MPPED2: variants seen among roughly 807,000 people sequenced by gnomAD.
MPPED2 encodes metallophosphoesterase domain containing 2, also known as metallophosphoesterase MPPED2.
In MPPED2, 5 loss-of-function variants were observed where a neutral mutation model predicts 33.0. The observed-to-expected ratio is 0.15, with a 90% CI of 0.08 to 0.32. MPPED2 has a LOEUF of 0.32. Ranked by LOEUF, MPPED2 falls within the 10% of genes least tolerant of loss-of-function variation. The probability of loss-of-function intolerance (pLI) is 1.00; values close to 1 mark genes in which losing one functional copy is unlikely to be tolerated. For missense variants in MPPED2, 275 were observed against 372.1 expected (o/e 0.74, Z 2.15); for synonymous variants, 136 against 141.9 (o/e 0.96, Z 0.29).
At chr11:30,453,329 G>C (rs1950144258) in intron 4 of MPPED2, among the ~76,000 whole-genome samples, 1 of 152,200 alleles carries the variant, frequency 6.6e-6, no homozygotes, top group African/African-American at 2.4e-5. Flanking sequence ...GTTGCCTCTA[G>C]ATCATCTATT....
At chr11:30,535,664 G>A (rs939884255) in intron 3 of MPPED2, among the ~76,000 whole-genome samples, 3 of 152,204 alleles carry the variant, frequency 2.0e-5, no homozygotes, top group South Asian at 2.1e-4. Flanking sequence ...AGATTGCAGA[G>A]CCAATGAATT....
intron 4 of MPPED2, among the ~76,000 whole-genome samples, chr11:30,472,066 T>C (rs1051777790): frequency 5.3e-5 from 8 of 152,170 alleles, no homozygotes; most frequent in Non-Finnish European, 7.3e-5. Context: ...AATATGTCTC[T>C]CAAATTAAGC....
chr11:30,495,279 T>A lies in MPPED2; in HGVS notation c.536+17A>T. The A allele has an allele frequency of 6.4e-7, 1 of 1,574,388 alleles. No homozygotes were observed. Among genetic ancestry groups the A allele is most frequent in the Non-Finnish European group, 8.7e-7 (1 of 1,143,966 alleles). On this transcript the variant is annotated intron_variant, in intron 4 of 6. Coordinates refer to ENST00000358117, the MANE Select transcript of MPPED2 (RefSeq NM_001584.3). ...AGCTAAAAAGCAATGTGGAAAACTG[T>A]TTGAATCATCACTTACCAAGGTGCA...
chr11:30,442,376 C>T (rs191709993), intron 4 of MPPED2, among the ~76,000 whole-genome samples: 1 of 152,182 alleles, frequency 6.6e-6, no homozygotes, highest in Non-Finnish European at 1.5e-5. Context: ...ATAGGGGAAG[C>T]TTTGCTGATT....
intron 4 of MPPED2, among the ~76,000 whole-genome samples, chr11:30,468,088 G>A (rs1950790283): frequency 6.6e-6 from 1 of 152,088 alleles, no homozygotes; most frequent in Admixed American, 6.5e-5. Context: ...CTAGAGTCAT[G>A]ATTCATTAGC....
intron 2 of MPPED2, among the ~76,000 whole-genome samples, chr11:30,538,172 A>G (rs189834233): frequency 3.9e-5 from 6 of 152,242 alleles, no homozygotes; most frequent in Admixed American, 3.3e-4. Flanking sequence ...ATCTCTAAAT[A>G]TATGAATAAA....
At chr11:30,454,482 A>T (rs1950195652) in intron 4 of MPPED2, among the ~76,000 whole-genome samples, 1 of 152,164 alleles carries the variant, frequency 6.6e-6, no homozygotes, top group African/African-American at 2.4e-5. Flanking sequence ...AGGAAAAAAA[A>T]TTATAAATTT....
At chr11:30,535,833 C>A (rs1173110830) in intron 3 of MPPED2, among the ~76,000 whole-genome samples, 161 bp downstream of exon 3, 1 of 152,114 alleles carries the variant, frequency 6.6e-6, no homozygotes, top group African/African-American at 2.4e-5. Context: ...TCTAAAAATT[C>A]ATCTTTAATT....
At chr11:30,534,275 G>A (rs1228581722) in intron 3 of MPPED2, among the ~76,000 whole-genome samples, 4 of 152,074 alleles carry the variant, frequency 2.6e-5, no homozygotes, top group Admixed American at 1.3e-4. Context: ...AAATTCCATT[G>A]ACACAGACTA....
At chr11:30,442,362 A>G (rs1949616590) in intron 4 of MPPED2, among the ~76,000 whole-genome samples, 1 of 152,240 alleles carries the variant, frequency 6.6e-6, no homozygotes, top group African/African-American at 2.4e-5. Context: ...GTCTACAAAA[A>G]GCAATAGGGG....
chr11:30,451,585 C>G, intron 4 of MPPED2: 1 of 575,438 alleles, frequency 1.7e-6, no homozygotes, highest in African/African-American at 2.0e-5. Flanking sequence ...TCTCAGGAAC[C>G]CCACCACTAC....
Position 30,430,662 on chromosome 11 carries a change from C to T in MPPED2, c.537-13029G>A, listed in dbSNP as rs11031080. ...ACAGAGTTGTTCACACAGTGTAATT[C>T]GTAACAACAAAATATTGGGAACAAT... On this transcript the variant is annotated intron_variant, in intron 4 of 6. Transcript: ENST00000358117. Among the ~76,000 whole-genome samples the T allele has an allele frequency of 6.6e-5, 10 of 152,056 alleles. No individual in the cohort carries two copies. The East Asian group carries it at 7.7e-4, about 12-fold the overall frequency.
chr11:30,436,221 T>C (rs1949319867), intron 4 of MPPED2, among the ~76,000 whole-genome samples: 1 of 152,194 alleles, frequency 6.6e-6, no homozygotes, highest in South Asian at 2.1e-4. Flanking sequence ...GTATCTCCAA[T>C]AGTCCCTGCC....
chr11:30,396,583 A>C (rs1947842213), intron 6 of MPPED2, among the ~76,000 whole-genome samples: 1 of 152,150 alleles, frequency 6.6e-6, no homozygotes, highest in African/African-American at 2.4e-5. Flanking sequence ...ACCCAGGTTT[A>C]CTTGCAAGCT....
chr11:30,514,446 G>A (rs570853779), intron 3 of MPPED2, among the ~76,000 whole-genome samples: 73 of 152,192 alleles, frequency 4.8e-4, no homozygotes, highest in African/African-American at 1.6e-3. Flanking sequence ...GAAAGAACCC[G>A]AGTTCCTGGT....
At chr11:30,458,668 CTTTAG>C (rs1328464834) in intron 4 of MPPED2, among the ~76,000 whole-genome samples, 1 of 152,152 alleles carries the variant, frequency 6.6e-6, no homozygotes, top group Non-Finnish European at 1.5e-5. Flanking sequence ...TGTTCTCACA[CTTTAG>C]TAGGCATAAA....
chr11:30,422,957 G>C (rs548126725), intron 4 of MPPED2, among the ~76,000 whole-genome samples: 15 of 152,274 alleles, frequency 9.9e-5, no homozygotes, highest in African/African-American at 3.1e-4. Flanking sequence ...TAAGCACTTG[G>C]CCTCCCTGGG....
At chr11:30,585,005 T>G (rs1428606357) in intron 1 of MPPED2, 4 of 151,938 alleles carry the variant, frequency 2.6e-5, no homozygotes, top group Non-Finnish European at 5.9e-5. Context: ...GAGAGGGGGG[T>G]GGTGATGTAC....
intron 3 of MPPED2, among the ~76,000 whole-genome samples, chr11:30,515,839 C>A: frequency 6.6e-6 from 1 of 152,108 alleles, no homozygotes; most frequent in East Asian, 1.9e-4. Context: ...ACTTTAAAAT[C>A]CCATCAAGCG....
Sources: allele counts gnomAD v4.1 joint callset (sites outside exome capture counted in the v4.1 genomes callset), GRCh38; gene constraint gnomAD v4.1.1; transcripts MANE v1.5; gene names NCBI Gene and HGNC (gene_info 2026-07-23, HGNC 2026-07-21).